Variants in PGM1 observed in about 807,000 individuals in gnomAD.
PGM1 encodes phosphoglucomutase 1, also known as phosphoglucomutase-1.
In PGM1, 52 loss-of-function variants were observed where a neutral mutation model predicts 55.6. That is an observed-to-expected ratio of 0.94 (90% CI 0.75 to 1.18). The LOEUF is 1.18. Ranked by LOEUF, PGM1 falls within the 50% of genes most tolerant of loss-of-function variation. PGM1 has a pLI of 0.00. For synonymous variants in PGM1, 287 were observed against 271.7 expected (o/e 1.06, Z -0.55); for missense variants, 724 against 729.3 (o/e 0.99, Z 0.08).
intron 1 of PGM1, among the ~76,000 whole-genome samples, chr1:63,596,537 G>A (rs1236248759): frequency 6.6e-6 from 1 of 152,062 alleles, no homozygotes; most frequent in Non-Finnish European, 1.5e-5. Flanking sequence ...GATTACAGGC[G>A]TGAGCCACTG....
chr1:63,624,465 G>A (rs1043961234), intron 1 of PGM1, among the ~76,000 whole-genome samples: 1 of 152,198 alleles, frequency 6.6e-6, no homozygotes, highest in Non-Finnish European at 1.5e-5. Context: ...CAAATGAGAA[G>A]GAATATTGTA....
chr1:63,616,724 A>G (rs910613236), intron 1 of PGM1, among the ~76,000 whole-genome samples: 2 of 152,100 alleles, frequency 1.3e-5, no homozygotes, highest in Non-Finnish European at 2.9e-5. Context: ...GTTTGTTTTT[A>G]TTTTCAAAAT....
chr1:63,599,123 T>A (rs1405277324), intron 1 of PGM1, among the ~76,000 whole-genome samples: 2 of 152,180 alleles, frequency 1.3e-5, no homozygotes, highest in Non-Finnish European at 2.9e-5. Context: ...ACTTTAAACC[T>A]TATATCCCTG....
chr1:63,596,469 C>T (rs1349350429), intron 1 of PGM1, among the ~76,000 whole-genome samples: 2 of 151,976 alleles, frequency 1.3e-5, no homozygotes, highest in African/African-American at 4.8e-5. Context: ...CTTGGCCAGG[C>T]TGGTCTCGAA....
chr1:63,649,432 C>T (rs1649745282), intron 8 of PGM1, among the ~76,000 whole-genome samples: 1 of 152,034 alleles, frequency 6.6e-6, no homozygotes, highest in African/African-American at 2.4e-5. Context: ...AAAAATCTAA[C>T]AAGAATTTTT....
chr1:63,600,614 G>A (rs1315056756), intron 1 of PGM1, among the ~76,000 whole-genome samples: 2 of 152,156 alleles, frequency 1.3e-5, no homozygotes, highest in Non-Finnish European at 2.9e-5. Context: ...CAGCATTAGA[G>A]GATGGGCTGC....
chr1:63,654,974 T>G (rs1194554767), intron 10 of PGM1, among the ~76,000 whole-genome samples: 1 of 149,894 alleles, frequency 6.7e-6, no homozygotes, highest in East Asian at 1.9e-4. Context: ...TCTCTTTTTT[T>G]TTTTTTTTTT....
intron 1 of PGM1, 90 bp from the exon 2 acceptor site, chr1:63,629,335 G>A (rs1649125317): frequency 9.7e-7 from 1 of 1,032,476 alleles, no homozygotes; most frequent in Non-Finnish European, 1.5e-6. Context: ...TTATTTTTTT[G>A]TCCATCTGCC....
intron 6 of PGM1, among the ~76,000 whole-genome samples, chr1:63,637,514 G>GA (rs1649394741): frequency 6.6e-6 from 1 of 152,276 alleles, no homozygotes; most frequent in East Asian, 1.9e-4. Flanking sequence ...TTTGTATAGT[G>GA]TTTTTTTACA....
rs374966061 is a variant in PGM1 at position 63,645,548 on chromosome 1, G to GT, written c.1145-2968dup. Among the ~76,000 whole-genome samples the GT allele has an allele frequency of 8.5e-5, 13 of 152,316 alleles. 1 individual carries two copies. Among genetic ancestry groups the GT allele is most frequent in the African/African-American group, 3.1e-4 (13 of 41,578 alleles). On this transcript the variant is annotated intron_variant, in intron 7 of 10. Transcript: ENST00000371084. ...CCAAAACATATCATTTGCAAAAGCC[G>GT]TAAGAGCCAGAGAGCTTTTTGCTCC...
chr1:63,628,428 A>T (rs545039374), intron 1 of PGM1, among the ~76,000 whole-genome samples: 1 of 152,322 alleles, frequency 6.6e-6, no homozygotes, highest in East Asian at 1.9e-4. Context: ...GAAGGGTGGC[A>T]GAGCCAACAG....
intron 1 of PGM1, among the ~76,000 whole-genome samples, chr1:63,628,774 G>A (rs1649107177): frequency 6.6e-6 from 1 of 152,096 alleles, no homozygotes; most frequent in South Asian, 2.1e-4. Flanking sequence ...TTTCATGTAG[G>A]TCATTCTGAC....
chr1:63,595,536 G>A (rs1186545761), intron 1 of PGM1, among the ~76,000 whole-genome samples: 1 of 152,178 alleles, frequency 6.6e-6, no homozygotes, highest in Non-Finnish European at 1.5e-5. Context: ...TTTACTTTGT[G>A]GTCCTGAATT....
rs143470567 is a variant in PGM1, at chr1:63,659,068, C to T, written c.1600-518C>T. On this transcript the variant is annotated intron_variant, in intron 10 of 10. Coordinates refer to ENST00000371084, the MANE Select transcript of PGM1 (RefSeq NM_002633.3). The stretch of plus-strand genomic sequence containing the variant: ...TGATTCAATCATCTCCCACCGGGTC[C>T]CTCCCACAACACTTGGGAATTATGG... Among the ~76,000 whole-genome samples the T allele has an allele frequency of 0.011, 1,605 of 152,278 alleles. 14 individuals are homozygous for T. The highest frequency in any genetic ancestry group is 0.031 in the South Asian group (150 of 4,824).
chr1:63,647,256 T>G (rs1397437878), intron 7 of PGM1, among the ~76,000 whole-genome samples: 5 of 51,594 alleles, frequency 9.7e-5, no homozygotes, highest in African/African-American at 1.8e-4. Context: ...AAATAAAATT[T>G]TACATATATA....
intron 7 of PGM1, 138 bp from the exon 8 acceptor site, chr1:63,648,379 A>G (rs564967184): frequency 4.6e-5 from 41 of 886,386 alleles, no homozygotes; most frequent in Non-Finnish European, 5.5e-5. Flanking sequence ...TTTGTCCCCC[A>G]TGATCCAATC....
At position 63,638,781 on chromosome 1, in the gene PGM1, G is replaced by A; in HGVS notation, c.1125G>A (p.Gly375=). Residue 375 remains glycine, a synonymous_variant, in exon 7 of 11, where the codon GGG becomes GGA. Coordinates refer to ENST00000371084, the MANE Select transcript of PGM1 (RefSeq NM_002633.3). ...LMDASKLSLC[G]EESFGTGSDH... ...ACGCGAGCAAACTGTCCCTTTGTGGGGAGGAGAGCTTCGGGACCGGTAAGT... is the reference window on the plus strand; with the variant it reads ...ACGCGAGCAAACTGTCCCTTTGTGGAGAGGAGAGCTTCGGGACCGGTAAGT... 1 of 1,613,584 alleles carries A rather than the reference G, an allele frequency of 6.2e-7. No individual in the cohort carries two copies. The highest frequency in any genetic ancestry group is 2.2e-5 in the East Asian group (1 of 44,876).
chr1:63,639,885 G>C (rs772435357), intron 7 of PGM1, among the ~76,000 whole-genome samples: 4 of 152,176 alleles, frequency 2.6e-5, no homozygotes, highest in Non-Finnish European at 4.4e-5. Context: ...TGATATTTTC[G>C]AGAGTGGTAA....
chr1:63,623,802 A>T, intron 1 of PGM1: 5 of 1,407,308 alleles, frequency 3.6e-6, no homozygotes, highest in Non-Finnish European at 4.9e-6. Context: ...GGCTCTCCAA[A>T]TAACCTTAAT....
Sources: gnomAD v4.1 joint callset for allele counts (sites outside exome capture counted in the v4.1 genomes callset) on GRCh38, gnomAD v4.1.1 for gene constraint, MANE v1.5 for transcripts, NCBI Gene and HGNC (gene_info 2026-07-23, HGNC 2026-07-21) for gene names.